TBC1D5: variants seen among roughly 807,000 people sequenced by gnomAD.
The protein encoded by TBC1D5 is TBC1 domain family member 5, also known as TBC1 domain family, member 5.
TBC1D5 carries 75 observed loss-of-function variants against 100.3 expected under a neutral mutation model. The ratio of observed to expected loss-of-function variants is 0.75; its 90% CI spans 0.62 to 0.91. TBC1D5 has a LOEUF of 0.91. Among genes scored for constraint, TBC1D5 ranks in the 40% least tolerant of loss-of-function variants. TBC1D5 has a pLI of 0.00. For synonymous variants in TBC1D5, 323 were observed against 325.6 expected, an observed-to-expected ratio of 0.99 and a Z score of 0.09; for missense variants, 910 against 942.4, an observed-to-expected ratio of 0.97 and a Z score of 0.45.
At chr3:17,671,473 C>T (rs2067932315) in intron 1 of TBC1D5, among the ~76,000 whole-genome samples, 1 of 152,074 alleles carries the variant, frequency 6.6e-6, no homozygotes, top group Non-Finnish European at 1.5e-5. Flanking sequence ...CCCAAAGTGT[C>T]CCACAAATTG....
chr3:17,622,810 C>T (rs1444767770), intron 2 of TBC1D5: 1 of 152,132 alleles, frequency 6.6e-6, no homozygotes, highest in Non-Finnish European at 1.5e-5. Context: ...ATGTTTACTA[C>T]ACTATGACTG....
chr3:17,470,059 C>A (rs930427961), intron 3 of TBC1D5, among the ~76,000 whole-genome samples: 2 of 152,168 alleles, frequency 1.3e-5, no homozygotes, highest in Non-Finnish European at 1.5e-5. Context: ...TACACTGCGC[C>A]CTTAGCTTCA....
Position 17,365,142 on chromosome 3 carries a change from T to C in TBC1D5, c.995+6933A>G, listed in dbSNP as rs539071835. ...CTATTGGCATGATTATTTTTGACAA[T>C]TGCTTTCAGTTATTTAGACTTAATC... On this transcript the variant is annotated intron_variant, in intron 13 of 21. Transcript: ENST00000253692. Among the ~76,000 whole-genome samples, 15 of 152,332 alleles carry C rather than the reference T, an allele frequency of 9.8e-5. No individual in the cohort carries two copies. In the South Asian group the frequency reaches 1.0e-3, roughly 11 times the overall value.
intron 14 of TBC1D5, among the ~76,000 whole-genome samples, chr3:17,302,426 G>C (rs960521951): frequency 6.6e-6 from 1 of 152,092 alleles, no homozygotes; most frequent in Non-Finnish European, 1.5e-5. Context: ...TCCCAAATTA[G>C]GTCACGTTCT....
At chr3:17,275,523 GA>G (rs2079889289) in intron 15 of TBC1D5, among the ~76,000 whole-genome samples, 8 of 152,156 alleles carry the variant, frequency 5.3e-5, no homozygotes, top group Admixed American at 5.2e-4. Context: ...ATGGGCCACA[GA>G]GTAAGACTCT....
intron 2 of TBC1D5, among the ~76,000 whole-genome samples, chr3:17,565,028 C>T (rs1268797296): frequency 1.3e-5 from 2 of 152,106 alleles, no homozygotes; most frequent in African/African-American, 4.8e-5. Flanking sequence ...AACCTCTGTT[C>T]TTTAATGTTT....
chr3:17,689,992 A>G (rs2070890481), intron 1 of TBC1D5, among the ~76,000 whole-genome samples: 1 of 152,336 alleles, frequency 6.6e-6, no homozygotes, highest in South Asian at 2.1e-4. Flanking sequence ...TTTAATCAGT[A>G]TAAAAGGATA....
chr3:17,555,083 T>C (rs1487606804), intron 2 of TBC1D5, among the ~76,000 whole-genome samples: 1 of 152,048 alleles, frequency 6.6e-6, no homozygotes, highest in East Asian at 1.9e-4. Context: ...TCTCCTGACC[T>C]TGTGATCCAC....
intron 13 of TBC1D5, among the ~76,000 whole-genome samples, chr3:17,310,921 C>A (rs2083956502): frequency 6.6e-6 from 1 of 151,926 alleles, no homozygotes; most frequent in Admixed American, 6.6e-5. Context: ...TTATCAATAA[C>A]TTAATCATTT....
chr3:17,531,323 G>T (rs1003672548), intron 2 of TBC1D5, among the ~76,000 whole-genome samples: 1 of 151,938 alleles, frequency 6.6e-6, no homozygotes, highest in Non-Finnish European at 1.5e-5. Context: ...CACTGCTCAA[G>T]GAAATAAAAA....
In TBC1D5 at chr3:17,167,840, A is replaced by C. The variant is rs749613862; in HGVS notation, c.1853-12T>G. 10 of 1,568,770 alleles carry C rather than the reference A, an allele frequency of 6.4e-6. No individual in the cohort carries two copies. The highest frequency in any genetic ancestry group is 8.7e-6 in the Non-Finnish European group (10 of 1,144,176). On this transcript the variant is annotated splice_polypyrimidine_tract_variant and intron_variant, in intron 19 of 21. Transcript: ENST00000253692. Reference sequence around the variant, plus strand: ...ATCTTGAATATTTACTGAAAATAGAAGAATGACATTTTATAACCAATGCTC... The same window carrying C: ...ATCTTGAATATTTACTGAAAATAGACGAATGACATTTTATAACCAATGCTC...
At chr3:17,607,429 G>A (rs1053636818) in intron 2 of TBC1D5, among the ~76,000 whole-genome samples, 3 of 151,544 alleles carry the variant, frequency 2.0e-5, no homozygotes, top group Admixed American at 1.3e-4. Flanking sequence ...CAATCTTTCT[G>A]TCCTCATTCT....
intron 2 of TBC1D5, among the ~76,000 whole-genome samples, chr3:17,597,386 A>C (rs1294880826): frequency 1.3e-5 from 2 of 152,228 alleles, no homozygotes; most frequent in Non-Finnish European, 2.9e-5. Flanking sequence ...AGAAACTCAG[A>C]AACACTAACT....
At chr3:17,485,026 AT>A (rs1209912886) in intron 3 of TBC1D5, among the ~76,000 whole-genome samples, 1 of 152,148 alleles carries the variant, frequency 6.6e-6, no homozygotes, top group East Asian at 1.9e-4. Flanking sequence ...TAAGATGAAA[AT>A]TATATTAGAG....
chr3:17,461,845 C>A (rs1375815621), intron 3 of TBC1D5, among the ~76,000 whole-genome samples: 1 of 152,114 alleles, frequency 6.6e-6, no homozygotes, highest in Non-Finnish European at 1.5e-5. Flanking sequence ...CCTTTAATTT[C>A]TCCTCCCTAT....
exon 22 of TBC1D5, chr3:17,159,063 A>G (rs1284409611): frequency 6.6e-6 from 1 of 152,228 alleles, no homozygotes; most frequent in Non-Finnish European, 1.5e-5. Flanking sequence ...GCTTGGCAGC[A>G]GCTTACTCAG....
chr3:17,465,366 G>T, intron 3 of TBC1D5: 1 of 186,632 alleles, frequency 5.4e-6, no homozygotes, highest in South Asian at 1.2e-4. Flanking sequence ...AAGGAATAAG[G>T]AATGTGCCAT....
At chr3:17,187,474 C>T (rs2069280046) in intron 18 of TBC1D5, among the ~76,000 whole-genome samples, 1 of 152,150 alleles carries the variant, frequency 6.6e-6, no homozygotes, top group African/African-American at 2.4e-5. Flanking sequence ...TCAGCCCAAG[C>T]CAGCTGAAGC....
chr3:17,385,684 G>T (rs1200556988), intron 8 of TBC1D5, among the ~76,000 whole-genome samples: 1 of 151,540 alleles, frequency 6.6e-6, no homozygotes, highest in African/African-American at 2.4e-5. Context: ...AGACAGGTTT[G>T]GTTTTTTGTT....
Sources: allele counts gnomAD v4.1 joint callset (sites outside exome capture counted in the v4.1 genomes callset), GRCh38; gene constraint gnomAD v4.1.1; transcripts MANE v1.5; gene names NCBI Gene and HGNC (gene_info 2026-07-23, HGNC 2026-07-21).